C3orf18: variants seen among roughly 807,000 people sequenced by gnomAD.
The protein encoded by C3orf18 is chromosome 3 open reading frame 18, also known as uncharacterized protein C3orf18.
In C3orf18, 12 loss-of-function variants were observed where a neutral mutation model predicts 14.1. The observed-to-expected ratio is 0.85, with a 90% CI of 0.55 to 1.38. The LOEUF is 1.38. Ranked by LOEUF, C3orf18 falls within the 40% of genes most tolerant of loss-of-function variation. The pLI, the probability that C3orf18 is intolerant of heterozygous loss-of-function variation, is 0.00. For missense variants in C3orf18, 196 were observed against 213.9 expected, an observed-to-expected ratio of 0.92 and a Z score of 0.52; for synonymous variants, 82 against 87.9, an observed-to-expected ratio of 0.93 and a Z score of 0.38.
chr3:50,572,040 T>C, upstream of C3orf18: 4 of 1,597,622 alleles, frequency 2.5e-6, no homozygotes, highest in Non-Finnish European at 3.4e-6. Flanking sequence ...TGGCCACAAG[T>C]GGTATCTCAA....
upstream of C3orf18, chr3:50,571,589 C>A: frequency 2.1e-6 from 2 of 943,052 alleles, no homozygotes; most frequent in Non-Finnish European, 1.7e-6. Flanking sequence ...CCCCTCTGGG[C>A]CCAGATGATG....
chr3:50,565,287 A>G lies in C3orf18; in HGVS notation c.234+179T>C. 1 of 591,952 alleles carries G rather than the reference A, an allele frequency of 1.7e-6. No individual in the cohort carries two copies. Among genetic ancestry groups the G allele is most frequent in the Non-Finnish European group, 3.0e-6 (1 of 333,040 alleles). The allele number at this position is 591,952 out of a possible 1,614,324, so 36.7% of individuals were successfully genotyped here. ...GAGGCTGAGGCAGGAGACTCGATTA[A>G]GCCCCAGAGGTGGAGGTTGCAGTGA... On this transcript the variant is annotated intron_variant, in intron 3 of 5. Transcript: ENST00000357203. This position sits in a 1 kb window ranked among gnomAD's most constrained non-coding sequence, Gnocchi z 4.4.
chr3:50,568,393 G>A (rs928635302), upstream of C3orf18, among the ~76,000 whole-genome samples: 8 of 152,208 alleles, frequency 5.3e-5, no homozygotes, highest in East Asian at 3.9e-4. Flanking sequence ...ACGCCCCTGT[G>A]TCTCCCGGTC....
upstream of C3orf18, chr3:50,572,293 C>A: frequency 6.6e-7 from 1 of 1,505,636 alleles, no homozygotes; most frequent in Non-Finnish European, 9.0e-7. Flanking sequence ...CTCCAGGGGG[C>A]ACTGGGGCCC....
upstream of C3orf18, among the ~76,000 whole-genome samples, chr3:50,574,334 T>C (rs1559456515): frequency 6.6e-6 from 1 of 152,220 alleles, no homozygotes; most frequent in Non-Finnish European, 1.5e-5. Flanking sequence ...TGGGCTGTTA[T>C]CTACCCCTGC....
chr3:50,569,727 G>A (rs1295478158), upstream of C3orf18: 1 of 152,436 alleles, frequency 6.6e-6, no homozygotes, highest in Admixed American at 6.5e-5. Flanking sequence ...GTAGCTGTGA[G>A]GGAGTTTACA....
At chr3:50,572,406 T>C (rs1464733126), upstream of C3orf18, among the ~76,000 whole-genome samples, 1 of 152,220 alleles carries the variant, frequency 6.6e-6, no homozygotes, top group Admixed American at 6.5e-5. Flanking sequence ...TTGACTGTTA[T>C]GTTCCAAGCT....
chr3:50,559,155 T>G lies in C3orf18; in HGVS notation c.*502A>C. The G allele has an allele frequency of 7.0e-6, 9 of 1,289,904 alleles. No homozygotes were observed. Among genetic ancestry groups the G allele is most frequent in the Non-Finnish European group, 9.1e-6 (9 of 988,944 alleles). The allele number at this position is 1,289,904 out of a possible 1,614,324, so 79.9% of individuals were successfully genotyped here. ...GACAGTTTCAGCTCCATCTCTGGGCTTCTCAGGGCCCATAACAGATGCTGC... is the reference window on the plus strand; with the variant it reads ...GACAGTTTCAGCTCCATCTCTGGGCGTCTCAGGGCCCATAACAGATGCTGC... On this transcript the variant is annotated 3_prime_UTR_variant, in exon 6 of 6. Coordinates refer to ENST00000357203, the MANE Select transcript of C3orf18 (RefSeq NM_016210.5).
intron 1 of C3orf18, among the ~76,000 whole-genome samples, chr3:50,566,947 C>T (rs1158309939): frequency 6.6e-6 from 1 of 152,198 alleles, no homozygotes; most frequent in East Asian, 1.9e-4. Flanking sequence ...TGGGTGCATA[C>T]ATCCCCCTGT....
intron 3 of C3orf18, among the ~76,000 whole-genome samples, chr3:50,564,433 T>C (rs552950998): frequency 1.3e-5 from 2 of 152,278 alleles, no homozygotes; most frequent in African/African-American, 2.4e-5. Context: ...TCCTTCCTGA[T>C]GGCTGCCACC....
intron 3 of C3orf18, among the ~76,000 whole-genome samples, chr3:50,563,575 C>T (rs749040823): frequency 9.9e-5 from 15 of 152,258 alleles, no homozygotes; most frequent in Non-Finnish European, 2.1e-4. Flanking sequence ...CTGCCTGTAC[C>T]AAGCACTTTT....
intron 5 of C3orf18, among the ~76,000 whole-genome samples, chr3:50,559,944 C>A (rs1699864054): frequency 1.3e-5 from 2 of 152,226 alleles, no homozygotes; most frequent in East Asian, 1.9e-4. Context: ...ACCTTGGAGG[C>A]ACTTACTGTG....
At chr3:50,574,248 C>G (rs1454233753), upstream of C3orf18, among the ~76,000 whole-genome samples, 1 of 152,218 alleles carries the variant, frequency 6.6e-6, no homozygotes, top group African/African-American at 2.4e-5. Flanking sequence ...GGCTTTTAGT[C>G]TTGCCGAAAG....
At chr3:50,566,195 C>T (rs1700281074) in intron 1 of C3orf18, 101 bp from the exon 2 acceptor site, 1 of 152,814 alleles carries the variant, frequency 6.5e-6, no homozygotes, top group Non-Finnish European at 1.5e-5. Flanking sequence ...CCCACCTCCC[C>T]ATATCCACCT....
At chr3:50,570,404 G>A (rs1700809402), upstream of C3orf18, 2 of 152,230 alleles carry the variant, frequency 1.3e-5, no homozygotes, top group Admixed American at 6.5e-5. Flanking sequence ...TTTTCAGCAT[G>A]TACATCCATG....
Position 50,558,342 on chromosome 3 carries a change from T to C in C3orf18, c.*1315A>G, listed in dbSNP as rs1699777091. On this transcript the variant is annotated 3_prime_UTR_variant, in exon 6 of 6. Transcript: ENST00000357203. ...CTCTGTGCATGCTTGTGTGCATATG[T>C]ATGCCCAGCGTAAAAAAATGCCCTG... is the stretch of plus-strand genomic sequence containing the variant. 1 of 244,540 alleles carries C rather than the reference T, an allele frequency of 4.1e-6. No individual in the cohort carries two copies. Among genetic ancestry groups the C allele is most frequent in the African/African-American group, 2.3e-5 (1 of 44,116 alleles). The allele number at this position is 244,540 out of a possible 1,614,324, so 15.1% of individuals were successfully genotyped here.
upstream of C3orf18, among the ~76,000 whole-genome samples, chr3:50,574,331 T>C (rs930047522): frequency 2.6e-5 from 4 of 152,202 alleles, no homozygotes; most frequent in South Asian, 8.3e-4. Context: ...CCTTGGGCTG[T>C]TATCTACCCC....
At chr3:50,572,630 T>C (rs189232681), upstream of C3orf18, among the ~76,000 whole-genome samples, 170 of 152,328 alleles carry the variant, frequency 1.1e-3, no homozygotes, top group African/African-American at 3.9e-3. Flanking sequence ...TGTGCAACCT[T>C]GGGCAGGTCA....
Position 50,565,656 on chromosome 3 carries a change from C to T in C3orf18, c.44G>A (p.Arg15His), listed in dbSNP as rs577414859. The T allele has an allele frequency of 1.9e-5, 30 of 1,612,738 alleles. No individual in the cohort carries two copies. The highest frequency in any genetic ancestry group is 3.3e-4 in the Middle Eastern group (2 of 6,058). ...TASARGWFSS[R>H]PPTSESDLEP... ...CAGGTCAGACTCAGAGGTGGGTGGG[C>T]GGCTGCTGAACCAGCCCCTAGCAGA... Residue 15 changes from arginine (R) to histidine (H), a missense_variant, in exon 3 of 6, where the codon CGC (arginine) becomes CAC (histidine). Arg to His is a conservative substitution (Grantham distance 29, BLOSUM62 0). Coordinates refer to ENST00000357203, the MANE Select transcript of C3orf18 (RefSeq NM_016210.5). The surrounding 1 kb of genome is among the most constrained non-coding windows in gnomAD (Gnocchi z 4.4).
Sources: allele counts gnomAD v4.1 joint callset (sites outside exome capture counted in the v4.1 genomes callset), GRCh38; gene constraint gnomAD v4.1.1; non-coding constraint Gnocchi (gnomAD v3.1); transcripts MANE v1.5; gene names NCBI Gene and HGNC (gene_info 2026-07-23, HGNC 2026-07-21).